The following ANP32D variants were observed in gnomAD, a reference collection of about 807,000 sequenced individuals.
ANP32D encodes the protein acidic nuclear phosphoprotein 32 family member D, also known as acidic leucine-rich nuclear phosphoprotein 32 family member D.
Under a neutral mutation model 7.8 loss-of-function variants are expected in ANP32D, and 6 were observed. The observed-to-expected ratio is 0.77, with a 90% CI of 0.42 to 1.52. ANP32D has a LOEUF of 1.52. Ranked by LOEUF, ANP32D falls within the 40% of genes most tolerant of loss-of-function variation. The pLI, the probability that ANP32D is intolerant of heterozygous loss-of-function variation, is 0.01. For missense variants in ANP32D, 163 were observed against 145.9 expected, an observed-to-expected ratio of 1.12 and a Z score of -0.60; for synonymous variants, 69 against 59.7, an observed-to-expected ratio of 1.16 and a Z score of -0.72.
chr12:48,472,603 G>T lies in ANP32D; in HGVS notation c.-62G>T. 2 of 1,594,716 alleles carry T rather than the reference G, an allele frequency of 1.3e-6. No individual in the cohort carries two copies. Among genetic ancestry groups the T allele is most frequent in the Admixed American group, 3.5e-5 (2 of 57,146 alleles). On this transcript the variant is annotated 5_prime_UTR_variant, in exon 1 of 1. Coordinates refer to ENST00000266594, the MANE Select transcript of ANP32D (RefSeq NM_012404.3). ...TTGAGCTTTCAAATGTGCGGTTGTGGGTTCGGGGTTTATTGGTTGAATTCC... is the reference window on the plus strand; with the variant it reads ...TTGAGCTTTCAAATGTGCGGTTGTGTGTTCGGGGTTTATTGGTTGAATTCC...
rs911428382 is a variant in ANP32D, at chr12:48,472,897, T to C, written c.233T>C (p.Val78Ala). ...KLELSSNRAS[V>A]GLEVLAEKCP... ...GAACTAAGCAGTAACAGAGCCTCAGTGGGCCTAGAAGTATTGGCAGAAAAG... is the reference window on the plus strand; with the variant it reads ...GAACTAAGCAGTAACAGAGCCTCAGCGGGCCTAGAAGTATTGGCAGAAAAG... Residue 78 changes from valine (V) to alanine (A), a missense_variant, in exon 1 of 1, where the codon GTG (valine) becomes GCG (alanine). Physicochemically the swap from Val to Ala is moderately conservative, Grantham distance 64 (BLOSUM62 0). Transcript: ENST00000266594. 29 of 1,614,028 alleles carry C rather than the reference T, an allele frequency of 1.8e-5. No homozygotes were observed. Among genetic ancestry groups the C allele is most frequent in the Non-Finnish European group, 2.3e-5 (27 of 1,180,038 alleles).
rs1276387155 is a variant in ANP32D, at chr12:48,473,220, A to G, written c.*160A>G. On this transcript the variant is annotated 3_prime_UTR_variant, in exon 1 of 1. Coordinates refer to ENST00000266594, the MANE Select transcript of ANP32D (RefSeq NM_012404.3). The stretch of plus-strand genomic sequence containing the variant: ...GGAGTATGATGAAGATGCTCAGGTA[A>G]TGGAAGATGAGGAGGACGAGGATGA... The G allele has an allele frequency of 4.3e-5, 52 of 1,219,988 alleles. No individual in the cohort carries two copies. The Admixed American group carries it at 9.5e-4, about 22-fold the overall frequency. The allele number at this position is 1,219,988 out of a possible 1,614,324, so 75.6% of individuals were successfully genotyped here.
chr12:48,472,823 C>A lies in ANP32D; in HGVS notation c.159C>A (p.Gly53=), dbSNP rs767002083. The change falls in exon 1 of 1, where the codon GGC becomes GGA. Residue 53 remains glycine, a synonymous_variant. Transcript: ENST00000266594. Reference sequence around the variant, plus strand: ...AATTATTAAATACAATCAACATAGGCCTCACCTCAATTGCAAACTTGCCAA... The same window carrying A: ...AATTATTAAATACAATCAACATAGGACTCACCTCAATTGCAAACTTGCCAA... The part of the protein sequence containing the change: ...ELELLNTINI[G]LTSIANLPKL... 1 of 1,614,150 alleles carries A rather than the reference C, an allele frequency of 6.2e-7. No homozygotes were observed. Among genetic ancestry groups the A allele is most frequent in the East Asian group, 2.2e-5 (1 of 44,882 alleles).
In ANP32D at chr12:48,473,231, G is replaced by A; in HGVS notation, c.*171G>A. On this transcript the variant is annotated 3_prime_UTR_variant, in exon 1 of 1. Coordinates refer to ENST00000266594, the MANE Select transcript of ANP32D (RefSeq NM_012404.3). Reference sequence around the variant, plus strand: ...AAGATGCTCAGGTAATGGAAGATGAGGAGGACGAGGATGAGGAGGAGGAAC... The same window carrying A: ...AAGATGCTCAGGTAATGGAAGATGAAGAGGACGAGGATGAGGAGGAGGAAC... The A allele has an allele frequency of 8.6e-7, 1 of 1,157,896 alleles. No homozygotes were observed. Among genetic ancestry groups the A allele is most frequent in the Non-Finnish European group, 1.3e-6 (1 of 778,344 alleles). 71.7% of individuals were successfully genotyped at this position (1,157,896 alleles called of 1,614,324 possible).
At position 48,472,586 on chromosome 12, in the gene ANP32D, T is replaced by C; in HGVS notation, c.-79T>C. The C allele has an allele frequency of 6.4e-7, 1 of 1,557,100 alleles. No homozygotes were observed. The highest frequency in any genetic ancestry group is 8.7e-7 in the Non-Finnish European group (1 of 1,146,374). ...GAACCCAGCAGAGCTGGTTGAGCTT[T>C]CAAATGTGCGGTTGTGGGTTCGGGG... is the stretch of plus-strand genomic sequence containing the variant. On this transcript the variant is annotated 5_prime_UTR_variant, in exon 1 of 1. Coordinates refer to ENST00000266594, the MANE Select transcript of ANP32D (RefSeq NM_012404.3).
At position 48,472,824 on chromosome 12, in the gene ANP32D, C is replaced by T. The variant is rs139598237; in HGVS notation, c.160C>T (p.Leu54Phe). ...LELLNTINIG[L>F]TSIANLPKLN... is the part of the protein sequence containing the mutation. Reference sequence around the variant, plus strand: ...ATTATTAAATACAATCAACATAGGCCTCACCTCAATTGCAAACTTGCCAAA... The same window carrying T: ...ATTATTAAATACAATCAACATAGGCTTCACCTCAATTGCAAACTTGCCAAA... The change falls in exon 1 of 1, where the codon CTC (leucine) becomes TTC (phenylalanine). Residue 54 changes from leucine to phenylalanine, a missense_variant. Coordinates refer to ENST00000266594, the MANE Select transcript of ANP32D (RefSeq NM_012404.3). The T allele has an allele frequency of 2.6e-4, 416 of 1,614,118 alleles. 1 individual carries two copies. In the African/African-American group the frequency reaches 4.9e-3, roughly 19 times the overall value.
rs768994706 is a variant in ANP32D at position 48,472,808 on chromosome 12, T to C, written c.144T>C (p.Asn48=). The C allele has an allele frequency of 1.9e-6, 3 of 1,614,194 alleles. No individual in the cohort carries two copies. The highest frequency in any genetic ancestry group is 3.3e-4 in the Middle Eastern group (2 of 6,060). ...AATTTGAAGAACTGGAATTATTAAA[T>C]ACAATCAACATAGGCCTCACCTCAA... ...TDEFEELELL[N]TINIGLTSIA... The change falls in exon 1 of 1, where the codon AAT becomes AAC. Residue 48 remains asparagine, a synonymous_variant. Transcript: ENST00000266594.
chr12:48,473,388 G>A lies in ANP32D; in HGVS notation c.*328G>A. 1.1e-6 allele frequency: 1 copy of A among 917,392 alleles called. No individual in the cohort carries two copies. Among genetic ancestry groups the A allele is most frequent in the Non-Finnish European group, 1.7e-6 (1 of 585,250 alleles). The allele number at this position is 917,392 out of a possible 1,614,324, so 56.8% of individuals were successfully genotyped here. On this transcript the variant is annotated 3_prime_UTR_variant, in exon 1 of 1. Transcript: ENST00000266594. Reference sequence around the variant, plus strand: ...GGGTCAGAAGCGAAAATAAGAAACTGAAGATGAGGGAGAAGACGATGCCTA... The same window carrying A: ...GGGTCAGAAGCGAAAATAAGAAACTAAAGATGAGGGAGAAGACGATGCCTA...
In ANP32D at chr12:48,473,098, T is replaced by C. The variant is rs1566030032; in HGVS notation, c.*38T>C. 6.2e-7 allele frequency: 1 copy of C among 1,613,664 alleles called. No individual in the cohort carries two copies. On this transcript the variant is annotated 3_prime_UTR_variant, in exon 1 of 1. Transcript: ENST00000266594. ...AAGCTCCTCCTGCAACTCACATATC[T>C]CAACGGCTGTGACCCGGATGACAAG...
chr12:48,473,418 G>A lies in ANP32D; in HGVS notation c.*358G>A, dbSNP rs1954099715. On this transcript the variant is annotated 3_prime_UTR_variant, in exon 1 of 1. Transcript: ENST00000266594. ...TGAGGGAGAAGACGATGCCTAAGTG[G>A]AATAATCTATTTTGAAAAATTCCTT... 8.5e-6 allele frequency: 6 copies of A among 708,830 alleles called. No homozygotes were observed. The highest frequency in any genetic ancestry group is 1.4e-5 in the Non-Finnish European group (6 of 417,926). The allele number at this position is 708,830 out of a possible 1,614,324, so 43.9% of individuals were successfully genotyped here.
rs1278783549 is a variant in ANP32D, at chr12:48,472,819, T to C, written c.155T>C (p.Ile52Thr). 2 of 1,614,088 alleles carry C rather than the reference T, an allele frequency of 1.2e-6. No homozygotes were observed. The highest frequency in any genetic ancestry group is 2.2e-5 in the East Asian group (1 of 44,898). ...CTGGAATTATTAAATACAATCAACA[T>C]AGGCCTCACCTCAATTGCAAACTTG... ...EELELLNTIN[I>T]GLTSIANLPK... Residue 52 changes from isoleucine to threonine, a missense_variant, in exon 1 of 1, where the codon ATA (isoleucine) becomes ACA (threonine). Ile to Thr is a moderately conservative substitution (Grantham distance 89). Transcript: ENST00000266594.
rs1954098389 is a variant in ANP32D at position 48,473,328 on chromosome 12, G to A, written c.*268G>A. ...TTATAACAATGGAGAGGTAGATGAT[G>A]AGGAAGATGAAGAAGAGCTTGGTGA... On this transcript the variant is annotated 3_prime_UTR_variant, in exon 1 of 1. Coordinates refer to ENST00000266594, the MANE Select transcript of ANP32D (RefSeq NM_012404.3). 2 of 1,180,762 alleles carry A rather than the reference G, an allele frequency of 1.7e-6. No homozygotes were observed. The highest frequency in any genetic ancestry group is 2.5e-6 in the Non-Finnish European group (2 of 808,888). 73.1% of individuals were successfully genotyped at this position (1,180,762 alleles called of 1,614,324 possible).
In ANP32D at chr12:48,473,512, T is replaced by C; in HGVS notation, c.*452T>C. On this transcript the variant is annotated 3_prime_UTR_variant, in exon 1 of 1. Transcript: ENST00000266594. ...ATCCTGCCCCCTGAAACTTATTTTT[T>C]TCTGATTGTAACGTTGCTGTGGGAG... 2.6e-6 allele frequency: 1 copy of C among 388,812 alleles called. No individual in the cohort carries two copies. The allele number at this position is 388,812 out of a possible 1,614,324, so 24.1% of individuals were successfully genotyped here.
Position 48,472,724 on chromosome 12 carries a change from A to G in ANP32D, c.60A>G (p.Lys20=), listed in dbSNP as rs771232119. ...GGAACAGGACGCCCTCCGATGTGAA[A>G]GAACTTTTCCTGGACAACAGTCAGT... ...ELRNRTPSDV[K]ELFLDNSQSN... The change falls in exon 1 of 1, where the codon AAA becomes AAG. Residue 20 remains lysine, a synonymous_variant. Coordinates refer to ENST00000266594, the MANE Select transcript of ANP32D (RefSeq NM_012404.3). 2.5e-5 allele frequency: 40 copies of G among 1,614,236 alleles called. No homozygotes were observed. Among genetic ancestry groups the G allele is most frequent in the Non-Finnish European group, 3.4e-5 (40 of 1,180,044 alleles).
At position 48,473,123 on chromosome 12, in the gene ANP32D, G is replaced by A; in HGVS notation, c.*63G>A. ...TCAACGGCTGTGACCCGGATGACAAGGAGGCCCCTAACTCGGATGGTGAGG... is the reference window on the plus strand; with the variant it reads ...TCAACGGCTGTGACCCGGATGACAAAGAGGCCCCTAACTCGGATGGTGAGG... On this transcript the variant is annotated 3_prime_UTR_variant, in exon 1 of 1. Transcript: ENST00000266594. 1 of 1,611,622 alleles carries A rather than the reference G, an allele frequency of 6.2e-7. No individual in the cohort carries two copies. The highest frequency in any genetic ancestry group is 8.5e-7 in the Non-Finnish European group (1 of 1,178,286).
rs1215949053 is a variant in ANP32D, at chr12:48,472,768, A to G, written c.104A>G (p.Glu35Gly). The G allele has an allele frequency of 6.2e-7, 1 of 1,614,188 alleles. No homozygotes were observed. Among genetic ancestry groups the G allele is most frequent in the South Asian group, 1.1e-5 (1 of 91,086 alleles). The change falls in exon 1 of 1, where the codon GAA becomes GGA. Residue 35 changes from glutamate to glycine, a missense_variant. Glu to Gly is a moderately conservative substitution (Grantham distance 98, BLOSUM62 -2). Coordinates refer to ENST00000266594, the MANE Select transcript of ANP32D (RefSeq NM_012404.3). The stretch of plus-strand genomic sequence containing the variant: ...AGTCAGTCAAATGAAGGCAAATTGG[A>G]AGGCCTCACAGATGAATTTGAAGAA... Reference protein sequence around the residue: ...DNSQSNEGKLEGLTDEFEELE... With the variant: ...DNSQSNEGKLGGLTDEFEELE...
Position 48,473,293 on chromosome 12 carries a change from A to G in ANP32D, c.*233A>G, listed in dbSNP as rs12302792. On this transcript the variant is annotated 3_prime_UTR_variant, in exon 1 of 1. Coordinates refer to ENST00000266594, the MANE Select transcript of ANP32D (RefSeq NM_012404.3). ...GACGTGAGTGGAGACGAGGAGGAGA[A>G]GGATGAAGGTTATAACAATGGAGAG... 496 of 1,109,002 alleles carry G rather than the reference A, an allele frequency of 4.5e-4. 1 individual carries two copies. The African/African-American group carries it at 6.6e-3, about 15-fold the overall frequency. The allele number at this position is 1,109,002 out of a possible 1,614,324, so 68.7% of individuals were successfully genotyped here.
Position 48,473,252 on chromosome 12 carries a change from G to A in ANP32D, c.*192G>A, listed in dbSNP as rs184252879. 222 of 1,098,102 alleles carry A rather than the reference G, an allele frequency of 2.0e-4. 1 individual carries two copies. The Admixed American group carries it at 3.5e-3, about 17-fold the overall frequency. 68.0% of individuals were successfully genotyped at this position (1,098,102 alleles called of 1,614,324 possible). On this transcript the variant is annotated 3_prime_UTR_variant, in exon 1 of 1. Coordinates refer to ENST00000266594, the MANE Select transcript of ANP32D (RefSeq NM_012404.3). Reference sequence around the variant, plus strand: ...ATGAGGAGGACGAGGATGAGGAGGAGGAACGTGAAGAGGAGGACGTGAGTG... The same window carrying A: ...ATGAGGAGGACGAGGATGAGGAGGAAGAACGTGAAGAGGAGGACGTGAGTG...
chr12:48,473,214 C>T lies in ANP32D; in HGVS notation c.*154C>T, dbSNP rs746826224. On this transcript the variant is annotated 3_prime_UTR_variant, in exon 1 of 1. Coordinates refer to ENST00000266594, the MANE Select transcript of ANP32D (RefSeq NM_012404.3). ...TGAGGAGGAGTATGATGAAGATGCT[C>T]AGGTAATGGAAGATGAGGAGGACGA... 4.7e-5 allele frequency: 59 copies of T among 1,253,290 alleles called. No individual in the cohort carries two copies. Among genetic ancestry groups the T allele is most frequent in the Non-Finnish European group, 6.6e-5 (57 of 860,428 alleles). The allele number at this position is 1,253,290 out of a possible 1,614,324, so 77.6% of individuals were successfully genotyped here.
Sources: gnomAD v4.1 joint callset for allele counts on GRCh38, gnomAD v4.1.1 for gene constraint, MANE v1.5 for transcripts, NCBI Gene and HGNC (gene_info 2026-07-23, HGNC 2026-07-21) for gene names.